The following CATSPERT variants were observed in gnomAD, a reference collection of about 807,000 sequenced individuals.
The protein encoded by CATSPERT is cation channel sperm-associated targeting subunit tau.
the CATSPERT span, chr2:201,535,751 A>G: frequency 7.4e-7 from 1 of 1,350,298 alleles, no homozygotes; most frequent in South Asian, 2.2e-5. Flanking sequence ...ATTTGAATGC[A>G]TTTTCGATTT....
the CATSPERT span, chr2:201,534,593 G>T: frequency 4.1e-6 from 4 of 985,226 alleles, no homozygotes; most frequent in Non-Finnish European, 4.8e-6. Context: ...TCATAGCAGG[G>T]AAAACCAAAA....
At chr2:201,619,076 C>A in the CATSPERT span, 1 of 1,614,172 alleles carries the variant, frequency 6.2e-7, no homozygotes, top group South Asian at 1.1e-5. Flanking sequence ...TGGACCTGCC[C>A]GCTGCGGTTA....
At chr2:201,584,819 T>A in the CATSPERT span, among the ~76,000 whole-genome samples, 1 of 151,788 alleles carries the variant, frequency 6.6e-6, no homozygotes, top group Non-Finnish European at 1.5e-5. Flanking sequence ...AAATATTAGC[T>A]AATAATTTTT....
chr2:201,487,629 T>C, the CATSPERT span: 2 of 1,594,480 alleles, frequency 1.3e-6, no homozygotes, highest in East Asian at 2.2e-5. Flanking sequence ...CCTCTTTTAA[T>C]TTTTTTTGGC....
At chr2:201,608,644 A>G in the CATSPERT span, among the ~76,000 whole-genome samples, 1 of 151,878 alleles carries the variant, frequency 6.6e-6, no homozygotes, top group East Asian at 1.9e-4. Flanking sequence ...TGGCAAAACC[A>G]CGTCTCTACA....
At chr2:201,535,122 A>G in the CATSPERT span, 27 of 980,056 alleles carry the variant, frequency 2.8e-5, no homozygotes, top group Non-Finnish European at 2.8e-5. Context: ...CAAGAATGTT[A>G]TTTGACATAG....
At chr2:201,610,457 CA>C in the CATSPERT span, among the ~76,000 whole-genome samples, 115,129 of 134,096 alleles carry the variant, frequency 0.86, 49,984 homozygotes, top group South Asian at 0.97. Context: ...GACTCCGTCT[CA>C]AAAAAAAAAA....
At chr2:201,501,107 A>G in the CATSPERT span, among the ~76,000 whole-genome samples, 1 of 152,082 alleles carries the variant, frequency 6.6e-6, no homozygotes, top group South Asian at 2.1e-4. Flanking sequence ...TAAAAAAGAG[A>G]AAGATCTCAG....
At chr2:201,570,408 T>C in the CATSPERT span, among the ~76,000 whole-genome samples, 1 of 152,194 alleles carries the variant, frequency 6.6e-6, no homozygotes, top group Non-Finnish European at 1.5e-5. Context: ...TTGAGAAGCA[T>C]AAACCTACAA....
chr2:201,524,664 G>T, the CATSPERT span, among the ~76,000 whole-genome samples: 4 of 152,234 alleles, frequency 2.6e-5, no homozygotes, highest in South Asian at 8.3e-4. Context: ...CCACTTAAAA[G>T]GCAGAGTGGC....
chr2:201,611,551 A>G, the CATSPERT span, among the ~76,000 whole-genome samples: 1 of 152,232 alleles, frequency 6.6e-6, no homozygotes, highest in African/African-American at 2.4e-5. Context: ...CACTTTTAAT[A>G]ACTGTGTAGC....
At chr2:201,544,910 C>G in the CATSPERT span, among the ~76,000 whole-genome samples, 2 of 151,392 alleles carry the variant, frequency 1.3e-5, no homozygotes, top group Non-Finnish European at 2.9e-5. Context: ...GGTGGGAAGA[C>G]TGATTGAACC....
chr2:201,601,393 G>A, the CATSPERT span, among the ~76,000 whole-genome samples: 1 of 150,806 alleles, frequency 6.6e-6, no homozygotes, highest in Non-Finnish European at 1.5e-5. Flanking sequence ...TAGAAGAAAA[G>A]GAATGGGAAA....
the CATSPERT span, among the ~76,000 whole-genome samples, chr2:201,587,533 T>G: frequency 6.6e-6 from 1 of 152,186 alleles, no homozygotes; most frequent in Admixed American, 6.6e-5. Flanking sequence ...TTGTTTCTGA[T>G]GGAGAGTCAG....
chr2:201,572,808 T>C, the CATSPERT span, among the ~76,000 whole-genome samples: 1,894 of 152,232 alleles, frequency 0.012, 16 homozygotes, highest in Non-Finnish European at 0.021. Flanking sequence ...CATCTGTATA[T>C]TACTTCTGAT....
At chr2:201,584,668 A>G in the CATSPERT span, among the ~76,000 whole-genome samples, 1 of 152,076 alleles carries the variant, frequency 6.6e-6, no homozygotes, top group African/African-American at 2.4e-5. Context: ...CTGTAATCCC[A>G]GCTACTCAGG....
At chr2:201,501,824 AC>A in the CATSPERT span, among the ~76,000 whole-genome samples, 3 of 152,236 alleles carry the variant, frequency 2.0e-5, no homozygotes. Flanking sequence ...AAAAAGCCAA[AC>A]TACCAAAACT....
chr2:201,575,260 G>A, the CATSPERT span: 2 of 1,560,288 alleles, frequency 1.3e-6, no homozygotes, highest in African/African-American at 2.8e-5. Flanking sequence ...TAAAACTTAG[G>A]AAGTTTCAGT....
At chr2:201,551,455 T>TATA in the CATSPERT span, among the ~76,000 whole-genome samples, 1 of 152,212 alleles carries the variant, frequency 6.6e-6, no homozygotes, top group South Asian at 2.1e-4. Flanking sequence ...ACATAGAGAT[T>TATA]ATACATGGTG....
Sources: allele counts gnomAD v4.1 joint callset (sites outside exome capture counted in the v4.1 genomes callset), GRCh38; gene constraint gnomAD v4.1.1; transcripts MANE v1.5; gene names NCBI Gene and HGNC (gene_info 2026-07-23, HGNC 2026-07-21).